Variants in STK39 observed in about 807,000 individuals in gnomAD.
STK39 encodes the protein STE20/SPS1-related proline-alanine-rich protein kinase.
In STK39, 20 loss-of-function variants were observed where a neutral mutation model predicts 77.8. That is an observed-to-expected ratio of 0.26 (90% confidence interval 0.18 to 0.37). STK39 has a LOEUF of 0.37. STK39 is among the 10% of genes least tolerant of loss of function. The probability of loss-of-function intolerance (pLI) is 1.00; values close to 1 mark genes in which losing one functional copy is unlikely to be tolerated. For synonymous variants in STK39, 246 were observed against 234.1 expected, an observed-to-expected ratio of 1.05 and a Z score of -0.47; for missense variants, 479 against 656.5, an observed-to-expected ratio of 0.73 and a Z score of 2.95.
intron 5 of STK39, among the ~76,000 whole-genome samples, chr2:168,150,188 C>A (rs1176750967): frequency 6.6e-6 from 1 of 152,220 alleles, no homozygotes; most frequent in Admixed American, 6.5e-5. Flanking sequence ...GATCTCAATG[C>A]ACAGCCAACT....
intron 1 of STK39, among the ~76,000 whole-genome samples, chr2:168,235,009 A>G (rs546693515): frequency 1.7e-4 from 25 of 151,262 alleles, no homozygotes; most frequent in Admixed American, 1.1e-3. Context: ...AAAAAATTTT[A>G]GTAGTACCTT....
chr2:168,136,491 A>G lies in STK39; in HGVS notation c.974+1597T>C, dbSNP rs146866680. On this transcript the variant is annotated intron_variant, in intron 8 of 17. Transcript: ENST00000355999. The stretch of plus-strand genomic sequence containing the variant: ...GAAATACACTATTATATCATTAAGT[A>G]CACTAACGATTCTACCCTACAGAAC... 1.9e-3 allele frequency among the ~76,000 whole-genome samples: 290 copies of G among 152,338 alleles called. 2 individuals are homozygous for G. The highest frequency in any genetic ancestry group is 6.8e-3 in the African/African-American group (281 of 41,582).
intron 17 of STK39, among the ~76,000 whole-genome samples, chr2:167,959,803 G>C (rs1363339274): frequency 6.6e-6 from 1 of 152,216 alleles, no homozygotes; most frequent in Non-Finnish European, 1.5e-5. Context: ...GAGGAACACA[G>C]TGACTATTAG....
chr2:167,955,502 G>T lies in STK39; in HGVS notation c.1632C>A (p.Val544=). 6.2e-7 allele frequency: 1 copy of T among 1,613,772 alleles called. No individual in the cohort carries two copies. Among genetic ancestry groups the T allele is most frequent in the South Asian group, 1.1e-5 (1 of 91,012 alleles). The change falls in exon 18 of 18, where the codon GTC becomes GTA. Residue 544 remains valine, a synonymous_variant. Transcript: ENST00000355999. The part of the protein sequence containing the change: ...VKLIGFAQLS[V]S ...TGACATCAAGGGACATACATCAGCT[G>T]ACACTCAACTGAGCAAACCCAATCA...
chr2:168,107,525 CA>C (rs1687006913), intron 10 of STK39, among the ~76,000 whole-genome samples: 1 of 152,158 alleles, frequency 6.6e-6, no homozygotes, highest in Non-Finnish European at 1.5e-5. Flanking sequence ...GGAATTAGCT[CA>C]AATATCTCTT....
chr2:167,992,912 C>G (rs762446367), intron 16 of STK39, among the ~76,000 whole-genome samples: 5 of 152,168 alleles, frequency 3.3e-5, no homozygotes, highest in African/African-American at 4.8e-5. Flanking sequence ...CATAAACAAT[C>G]TAGATTTTGC....
At chr2:168,038,319 C>A (rs1441202318) in intron 14 of STK39, among the ~76,000 whole-genome samples, 1 of 151,764 alleles carries the variant, frequency 6.6e-6, no homozygotes, top group Non-Finnish European at 1.5e-5. Context: ...ATGTTCAGAT[C>A]TTCTAACAAA....
Position 167,955,483 on chromosome 2 carries a change from C to T in STK39, c.*13G>A, listed in dbSNP as rs1691738123. Reference sequence around the variant, plus strand: ...GGGGCATGACAGATCAGGGTGACATCAAGGGACATACATCAGCTGACACTC... The same window carrying T: ...GGGGCATGACAGATCAGGGTGACATTAAGGGACATACATCAGCTGACACTC... On this transcript the variant is annotated 3_prime_UTR_variant, in exon 18 of 18. Coordinates refer to ENST00000355999, the MANE Select transcript of STK39 (RefSeq NM_013233.3). The T allele has an allele frequency of 1.2e-6, 2 of 1,612,744 alleles. No homozygotes were observed. Among genetic ancestry groups the T allele is most frequent in the Non-Finnish European group, 1.7e-6 (2 of 1,179,626 alleles).
chr2:168,119,833 G>A (rs10200614), intron 10 of STK39, among the ~76,000 whole-genome samples: 70,383 of 151,994 alleles, frequency 0.46, 16,333 homozygotes, highest in East Asian at 0.5. Context: ...GATTCCAGGA[G>A]GGGAAAAAAG....
intron 1 of STK39, among the ~76,000 whole-genome samples, chr2:168,207,156 C>T (rs1017531868): frequency 6.6e-6 from 1 of 152,238 alleles, no homozygotes; most frequent in Non-Finnish European, 1.5e-5. Context: ...ACACTAAGGT[C>T]TCCTCTGAGT....
At chr2:168,209,442 G>A (rs1330784652) in intron 1 of STK39, among the ~76,000 whole-genome samples, 1 of 150,670 alleles carries the variant, frequency 6.6e-6, no homozygotes, top group East Asian at 2.0e-4. Flanking sequence ...TTTGGGAGGC[G>A]GAGGTGGGCA....
At chr2:167,965,628 T>C (rs1167875009) in intron 16 of STK39, among the ~76,000 whole-genome samples, 3 of 152,196 alleles carry the variant, frequency 2.0e-5, no homozygotes, top group African/African-American at 7.2e-5. Context: ...AAATAAGGGC[T>C]ATTGCTTAGG....
chr2:168,225,871 G>C (rs1163172549), intron 1 of STK39, among the ~76,000 whole-genome samples: 2 of 152,118 alleles, frequency 1.3e-5, no homozygotes, highest in Admixed American at 1.3e-4. Flanking sequence ...TCTCCAAGGA[G>C]GGTGTCTGAG....
At chr2:168,228,151 A>C (rs752390472) in intron 1 of STK39, among the ~76,000 whole-genome samples, 1 of 152,210 alleles carries the variant, frequency 6.6e-6, no homozygotes, top group Non-Finnish European at 1.5e-5. Context: ...AATACACTTA[A>C]CACACTTTGC....
chr2:168,050,741 G>C (rs1227791658), intron 14 of STK39, among the ~76,000 whole-genome samples: 6 of 152,198 alleles, frequency 3.9e-5, no homozygotes. Flanking sequence ...AGACTCTTCT[G>C]ACCTACAGAC....
intron 2 of STK39, among the ~76,000 whole-genome samples, chr2:168,174,828 C>A (rs1480479444): frequency 5.2e-5 from 7 of 133,820 alleles, no homozygotes; most frequent in Non-Finnish European, 9.3e-5. Flanking sequence ...AAGACTTCAT[C>A]TCTTAAAAAA....
chr2:167,981,742 T>G (rs924197853), intron 16 of STK39, among the ~76,000 whole-genome samples: 1 of 152,226 alleles, frequency 6.6e-6, no homozygotes, highest in Non-Finnish European at 1.5e-5. Flanking sequence ...AAATCTTATT[T>G]CACTGTGCAA....
intron 14 of STK39, among the ~76,000 whole-genome samples, chr2:168,025,446 G>A (rs554530259): frequency 2.4e-4 from 37 of 152,192 alleles, no homozygotes; most frequent in South Asian, 1.9e-3. Flanking sequence ...CGTATCATCC[G>A]TTTCTCTCAA....
chr2:168,119,220 T>C (rs369498825), intron 10 of STK39, among the ~76,000 whole-genome samples: 4 of 152,290 alleles, frequency 2.6e-5, no homozygotes, highest in Admixed American at 6.5e-5. Context: ...GTATTTTATA[T>C]TAAACCCATA....
Sources: allele counts gnomAD v4.1 joint callset (sites outside exome capture counted in the v4.1 genomes callset), GRCh38; gene constraint gnomAD v4.1.1; transcripts MANE v1.5; gene names NCBI Gene and HGNC (gene_info 2026-07-23, HGNC 2026-07-21).